The following WBP4 variants were observed in gnomAD, a reference collection of about 807,000 sequenced individuals.
The protein encoded by WBP4 is WW domain-binding protein 4.
A neutral mutation model predicts 55.4 loss-of-function variants in WBP4; 37 were observed. The ratio of observed to expected loss-of-function variants is 0.67; its 90% CI spans 0.51 to 0.88. The LOEUF (loss-of-function observed/expected upper bound fraction) is 0.88. WBP4 is among the 40% of genes least tolerant of loss of function. The pLI, the probability that WBP4 is intolerant of heterozygous loss-of-function variation, is 0.00. For synonymous variants in WBP4, 142 were observed against 140.2 expected, an observed-to-expected ratio of 1.01 and a Z score of -0.09; for missense variants, 398 against 420.8, an observed-to-expected ratio of 0.95 and a Z score of 0.47.
chr13:41,081,061 G>GTGGCATGTAGC (rs974995383), intron 9 of WBP4, among the ~76,000 whole-genome samples: 9 of 152,158 alleles, frequency 5.9e-5, no homozygotes, highest in African/African-American at 2.2e-4. Context: ...GCTGGGTGTG[G>GTGGCATGTAGC]TGGCATGTAG....
intron 9 of WBP4, among the ~76,000 whole-genome samples, chr13:41,082,248 G>A (rs1878815572): frequency 6.6e-6 from 1 of 152,054 alleles, no homozygotes; most frequent in South Asian, 2.1e-4. Context: ...GAGTAGCTGG[G>A]ACTGTAGGCA....
In WBP4 at chr13:41,082,963, T is replaced by C. The variant is rs762764746; in HGVS notation, c.*49T>C. The C allele has an allele frequency of 9.7e-6, 15 of 1,549,282 alleles. No homozygotes were observed. The South Asian group carries it at 1.3e-4, about 13-fold the overall frequency. ...GCTTTTAGGACAGAATGGAGACTTA[T>C]ACACCCAAAGTTTATCTGTGTTTGT... is the stretch of plus-strand genomic sequence containing the variant. On this transcript the variant is annotated 3_prime_UTR_variant, in exon 10 of 10. Coordinates refer to ENST00000379487, the MANE Select transcript of WBP4 (RefSeq NM_007187.5).
rs1305716020 is a variant in WBP4, at chr13:41,076,256, C to G, written c.756+19C>G. 1.1e-6 allele frequency: 1 copy of G among 918,208 alleles called. No individual in the cohort carries two copies. Among genetic ancestry groups the G allele is most frequent in the Non-Finnish European group, 1.6e-6 (1 of 627,802 alleles). The allele number at this position is 918,208 out of a possible 1,614,324, so 56.9% of individuals were successfully genotyped here. A position where few individuals can be genotyped will look rare whatever the true frequency, so the allele number is the denominator to read the frequency against. On this transcript the variant is annotated intron_variant, in intron 8 of 9. Coordinates refer to ENST00000379487, the MANE Select transcript of WBP4 (RefSeq NM_007187.5). The stretch of plus-strand genomic sequence containing the variant: ...GTTTAAGGTAGGTTTTTAAATTTTA[C>G]TCTTCACATCAAATTTTTTTTTTTT...
intron 4 of WBP4, 63 bp from the exon 5 acceptor site, chr13:41,068,498 A>G: frequency 7.1e-7 from 1 of 1,416,772 alleles, no homozygotes; most frequent in Middle Eastern, 1.9e-4. Flanking sequence ...TTAATGTTTT[A>G]TGCCAGCAAC....
intron 9 of WBP4, among the ~76,000 whole-genome samples, chr13:41,081,591 G>T (rs1878782622): frequency 6.6e-6 from 1 of 151,918 alleles, no homozygotes; most frequent in Non-Finnish European, 1.5e-5. Flanking sequence ...ATTTCTATAG[G>T]ATTCAGTGTT....
At chr13:41,081,937 A>G (rs1365180543) in intron 9 of WBP4, among the ~76,000 whole-genome samples, 1 of 152,192 alleles carries the variant, frequency 6.6e-6, no homozygotes, top group East Asian at 1.9e-4. Flanking sequence ...TTTCCGGTCC[A>G]TTTTCCAGAG....
chr13:41,077,980 A>G (rs967239424), intron 8 of WBP4, among the ~76,000 whole-genome samples: 1 of 152,242 alleles, frequency 6.6e-6, no homozygotes, highest in Non-Finnish European at 1.5e-5. Flanking sequence ...ACACTGATTA[A>G]AGAAATCATA....
At chr13:41,063,798 A>G (rs913182825) in intron 2 of WBP4, among the ~76,000 whole-genome samples, 2 of 152,206 alleles carry the variant, frequency 1.3e-5, no homozygotes, top group East Asian at 3.8e-4. Context: ...TAGGAAACGC[A>G]ATGTATGAAA....
chr13:41,071,198 C>T (rs1029524671), intron 5 of WBP4, among the ~76,000 whole-genome samples: 2 of 152,184 alleles, frequency 1.3e-5, no homozygotes, highest in African/African-American at 4.8e-5. Flanking sequence ...CTCACTCTCC[C>T]TTGCCCCAAG....
At chr13:41,063,604 G>A (rs887270223) in intron 2 of WBP4, among the ~76,000 whole-genome samples, 2 of 151,994 alleles carry the variant, frequency 1.3e-5, no homozygotes, top group Non-Finnish European at 2.9e-5. Context: ...CTCTTTCTTG[G>A]AGGTACCTAG....
At chr13:41,076,919 A>G (rs1449872234) in intron 8 of WBP4, among the ~76,000 whole-genome samples, 2 of 152,214 alleles carry the variant, frequency 1.3e-5, no homozygotes, top group South Asian at 4.1e-4. Context: ...GCCATCTCAC[A>G]ATGATTATAG....
intron 5 of WBP4, among the ~76,000 whole-genome samples, chr13:41,070,096 G>A (rs7328591): frequency 6.4e-4 from 98 of 152,212 alleles, no homozygotes; most frequent in African/African-American, 2.3e-3. Flanking sequence ...ATAAAAGGAG[G>A]AATTTTAAAG....
intron 8 of WBP4, among the ~76,000 whole-genome samples, chr13:41,079,615 A>G (rs918232736): frequency 6.6e-6 from 1 of 152,032 alleles, no homozygotes; most frequent in African/African-American, 2.4e-5. Context: ...ACACTTATAC[A>G]CTTACTGAGA....
intron 4 of WBP4, 125 bp from the exon 5 acceptor site, chr13:41,068,436 T>TA: frequency 2.3e-6 from 2 of 851,556 alleles, no homozygotes; most frequent in Non-Finnish European, 3.3e-6. Flanking sequence ...AACTTTATAA[T>TA]AATGTGTTAA....
At position 41,079,541 on chromosome 13, in the gene WBP4, CAAAAAAAAAAA is replaced by C. The variant is rs35433682; in HGVS notation, c.757-1094_757-1084del. On this transcript the variant is annotated intron_variant, in intron 8 of 9. Coordinates refer to ENST00000379487, the MANE Select transcript of WBP4 (RefSeq NM_007187.5). ...TGGGTGACAGAGCAAGACTCCGTCT[CAAAAAAAAAAA>C]AAAAAAAAAATCAGAAAACAACAGA... Among the ~76,000 whole-genome samples the C allele has an allele frequency of 5.4e-3, 554 of 101,692 alleles. 7 individuals carry two copies. The highest frequency in any genetic ancestry group is 0.018 in the African/African-American group (468 of 26,502). The allele number at this position is 101,692 out of a possible 152,430, so 66.7% of individuals were successfully genotyped here.
chr13:41,077,409 T>C (rs1878547973), intron 8 of WBP4, among the ~76,000 whole-genome samples: 1 of 151,950 alleles, frequency 6.6e-6, no homozygotes, highest in South Asian at 2.1e-4. Context: ...GGAGAATCGA[T>C]TGAACCTGGG....
At chr13:41,067,743 G>T (rs1301998933) in intron 4 of WBP4, among the ~76,000 whole-genome samples, 1 of 152,130 alleles carries the variant, frequency 6.6e-6, no homozygotes, top group African/African-American at 2.4e-5. Flanking sequence ...CTATTAGAAT[G>T]TTTGATTTGT....
rs771592917 is a variant in WBP4, at chr13:41,076,082, A to T, written c.601A>T (p.Thr201Ser). 6.2e-7 allele frequency: 1 copy of T among 1,613,556 alleles called. No homozygotes were observed. Among genetic ancestry groups the T allele is most frequent in the Non-Finnish European group, 8.5e-7 (1 of 1,179,904 alleles). ...GAAACCTGATGATTTCATTCCACAC[A>T]CTAGTGATCTGCCTTCTAGTAAGGT... The part of the protein sequence containing the change: ...WEKPDDFIPH[T>S]SDLPSSKVNE... Residue 201 changes from threonine to serine, a missense_variant, in exon 8 of 10, where the codon ACT (threonine) becomes TCT (serine). Thr to Ser is a moderately conservative substitution (Grantham distance 58). Transcript: ENST00000379487.
At chr13:41,062,752 A>G (rs1877754399) in intron 2 of WBP4, 36 bp downstream of exon 2, 1 of 1,569,660 alleles carries the variant, frequency 6.4e-7, no homozygotes, top group East Asian at 2.3e-5. Flanking sequence ...TCTAATAATA[A>G]TTGTGTTGAA....
Sources: gnomAD v4.1 joint callset for allele counts (sites outside exome capture counted in the v4.1 genomes callset) on GRCh38, gnomAD v4.1.1 for gene constraint, MANE v1.5 for transcripts, NCBI Gene and HGNC (gene_info 2026-07-23, HGNC 2026-07-21) for gene names.